The following MLYCD variants were observed in gnomAD, a reference collection of about 807,000 sequenced individuals.
MLYCD encodes the protein malonyl-CoA decarboxylase, also known as malonyl-CoA decarboxylase, mitochondrial.
A neutral mutation model predicts 35.8 loss-of-function variants in MLYCD; 27 were observed. The ratio of observed to expected loss-of-function variants is 0.75; its 90% CI spans 0.56 to 1.04. MLYCD has a LOEUF of 1.04. MLYCD is among the 50% of genes least tolerant of loss of function. MLYCD has a pLI of 0.00. For synonymous variants in MLYCD, 403 were observed against 302.4 expected (o/e 1.33, Z -3.45); for missense variants, 917 against 665.1 (o/e 1.38, Z -4.17).
chr16:83,899,509 T>G lies in MLYCD; in HGVS notation c.365T>G (p.Leu122Arg). ...LRQQQREAAVLLQAEDRLRYA... is the reference protein window; with the variant it reads ...LRQQQREAAVRLQAEDRLRYA... ...CAGCAGCAGCGGGAGGCGGCGGTGCTGCTGCAGGCCGAGGACCGGCTGCGC... is the reference window on the plus strand; with the variant it reads ...CAGCAGCAGCGGGAGGCGGCGGTGCGGCTGCAGGCCGAGGACCGGCTGCGC... Residue 122 changes from leucine to arginine, a missense_variant, in exon 1 of 5, where the codon CTG becomes CGG. By Grantham distance (102) the Leu-to-Arg change is moderately radical (BLOSUM62 -2). Transcript: ENST00000262430. 6.3e-7 allele frequency: 1 copy of G among 1,581,286 alleles called. No individual in the cohort carries two copies.
chr16:83,906,424 C>A (rs1299942982), intron 1 of MLYCD, among the ~76,000 whole-genome samples: 1 of 152,046 alleles, frequency 6.6e-6, no homozygotes, highest in Non-Finnish European at 1.5e-5. Flanking sequence ...AGTCTGTGAC[C>A]CGCCATCATT....
intron 1 of MLYCD, among the ~76,000 whole-genome samples, chr16:83,904,333 G>T (rs1036120812): frequency 6.6e-6 from 1 of 152,140 alleles, no homozygotes; most frequent in African/African-American, 2.4e-5. Context: ...CCAGGAAAAC[G>T]TATGCACAAT....
At chr16:83,905,266 T>C (rs533911117) in intron 1 of MLYCD, among the ~76,000 whole-genome samples, 126 of 152,254 alleles carry the variant, frequency 8.3e-4, no homozygotes, top group African/African-American at 2.8e-3. Context: ...GCCATTCTTA[T>C]AGGTGTTGCC....
rs753871427 is a variant in MLYCD, at chr16:83,915,495, A to T, written c.*6A>T. 6.2e-7 allele frequency: 1 copy of T among 1,609,460 alleles called. No individual in the cohort carries two copies. Among genetic ancestry groups the T allele is most frequent in the Non-Finnish European group, 8.5e-7 (1 of 1,179,936 alleles). On this transcript the variant is annotated 3_prime_UTR_variant, in exon 5 of 5. Transcript: ENST00000262430. ...AAAAGAACAGCAAGCTCTGACAGTA[A>T]ACCTCTCCTAAAGCACAGGGCCCCG...
rs956522895 is a variant in MLYCD at position 83,923,158 on chromosome 16, G to C, written c.*7669G>C. The stretch of plus-strand genomic sequence containing the variant: ...ACCTCCAGGGCAAGAACAACCAAGA[G>C]TTGCTCCCAAGAGGGCTTCCCTCCT... On this transcript the variant is annotated 3_prime_UTR_variant, in exon 5 of 5. Transcript: ENST00000262430. 1 of 152,288 alleles carries C rather than the reference G, an allele frequency of 6.6e-6. No homozygotes were observed. Among genetic ancestry groups the C allele is most frequent in the Non-Finnish European group, 1.5e-5 (1 of 68,082 alleles). The allele number at this position is 152,288 out of a possible 1,614,324, so 9.4% of individuals were successfully genotyped here. A position where few individuals can be genotyped will look rare whatever the true frequency, so the allele number is the denominator to read the frequency against.
At position 83,899,323 on chromosome 16, in the gene MLYCD, C is replaced by T; in HGVS notation, c.179C>T (p.Thr60Ile). The change falls in exon 1 of 5, where the codon ACA (threonine) becomes ATA (isoleucine). Residue 60 changes from threonine to isoleucine, a missense_variant. Thr to Ile is a moderately conservative substitution (Grantham distance 89, BLOSUM62 -1). Transcript: ENST00000262430. ...CCGGCCTACGAGCTGCGCGAGAAGA[C>T]ACCGGCGCCCGCCGAGGGTCAGTGC... ...PTPAYELREK[T>I]PAPAEGQCAD... 1.3e-6 allele frequency: 2 copies of T among 1,501,484 alleles called. No homozygotes were observed. The highest frequency in any genetic ancestry group is 8.8e-7 in the Non-Finnish European group (1 of 1,132,400). 93.0% of individuals were successfully genotyped at this position (1,501,484 alleles called of 1,614,324 possible). A position where few individuals can be genotyped will look rare whatever the true frequency, so the allele number is the denominator to read the frequency against.
At chr16:83,904,909 C>G (rs1906922032) in intron 1 of MLYCD, among the ~76,000 whole-genome samples, 1 of 152,160 alleles carries the variant, frequency 6.6e-6, no homozygotes, top group Admixed American at 6.5e-5. Flanking sequence ...CCTAGATTTC[C>G]TTCCCCGGCC....
chr16:83,910,172 T>G (rs1555538618), intron 3 of MLYCD, among the ~76,000 whole-genome samples: 1 of 151,764 alleles, frequency 6.6e-6, no homozygotes, highest in Non-Finnish European at 1.5e-5. Flanking sequence ...GTCATGGAGA[T>G]TAGATTTTGG....
intron 2 of MLYCD, among the ~76,000 whole-genome samples, chr16:83,907,334 C>T (rs868424126): frequency 6.6e-6 from 1 of 152,166 alleles, no homozygotes; most frequent in African/African-American, 2.4e-5. Flanking sequence ...CAGTGACCTG[C>T]GTGTGAGGTC....
chr16:83,907,039 T>A lies in MLYCD; in HGVS notation c.581T>A (p.Phe194Tyr), dbSNP rs556674494. The A allele has an allele frequency of 1.2e-6, 2 of 1,614,240 alleles. No individual in the cohort carries two copies. The highest frequency in any genetic ancestry group is 2.2e-5 in the South Asian group (2 of 91,086). ...GMLSEWFSSG[F>Y]LNLERVTWHS... ...CTCTCAGAATGGTTTTCCTCCGGGT[T>A]CCTGAACCTAGAACGGGTTACCTGG... Residue 194 changes from phenylalanine to tyrosine, a missense_variant, in exon 2 of 5, where the codon TTC (phenylalanine) becomes TAC (tyrosine). Transcript: ENST00000262430.
rs965700653 is a variant in MLYCD at position 83,917,697 on chromosome 16, C to G, written c.*2208C>G. 6 of 152,284 alleles carry G rather than the reference C, an allele frequency of 3.9e-5. No individual in the cohort carries two copies. Among genetic ancestry groups the G allele is most frequent in the African/African-American group, 1.4e-4 (6 of 41,476 alleles). 9.4% of individuals were successfully genotyped at this position (152,284 alleles called of 1,614,324 possible). A position where few individuals can be genotyped will look rare whatever the true frequency, so the allele number is the denominator to read the frequency against. On this transcript the variant is annotated 3_prime_UTR_variant, in exon 5 of 5. Transcript: ENST00000262430. ...CAGAGTTCTTTACCGTAAGCGTCCCCAGACCCTCAGGCCTGCGGAAACCTG... is the reference window on the plus strand; with the variant it reads ...CAGAGTTCTTTACCGTAAGCGTCCCGAGACCCTCAGGCCTGCGGAAACCTG...
rs1366645434 is a variant in MLYCD at position 83,922,535 on chromosome 16, C to G, written c.*7046C>G. ...CTCCGGCCAGTGCCCAGTTCAAATG[C>G]TGGCCCCACCACTTCCAGCTGGGTG... On this transcript the variant is annotated 3_prime_UTR_variant, in exon 5 of 5. Coordinates refer to ENST00000262430, the MANE Select transcript of MLYCD (RefSeq NM_012213.3). 2 of 152,334 alleles carry G rather than the reference C, an allele frequency of 1.3e-5. No individual in the cohort carries two copies. The highest frequency in any genetic ancestry group is 2.9e-5 in the Non-Finnish European group (2 of 68,108). 9.4% of individuals were successfully genotyped at this position (152,334 alleles called of 1,614,324 possible).
intron 1 of MLYCD, among the ~76,000 whole-genome samples, chr16:83,905,540 G>A (rs12598430): frequency 6.6e-5 from 10 of 152,002 alleles, no homozygotes; most frequent in Admixed American, 5.9e-4. Context: ...TTGCTCTGCC[G>A]AGAAAAACCT....
rs997003558 is a variant in MLYCD at position 83,912,288 on chromosome 16, C to T, written c.869C>T (p.Ser290Phe). ...KNKITAAIFY[S>F]ISLTQQGLQG... is the part of the protein sequence containing the mutation. ...AAAATCACTGCTGCGATCTTTTATT[C>T]CATCAGCTTGACCCAGCAGGGACTC... The change falls in exon 4 of 5, where the codon TCC becomes TTC. Residue 290 changes from serine (S) to phenylalanine (F), a missense_variant. Transcript: ENST00000262430. 3 of 1,614,090 alleles carry T rather than the reference C, an allele frequency of 1.9e-6. No individual in the cohort carries two copies. Among genetic ancestry groups the T allele is most frequent in the Admixed American group, 1.7e-5 (1 of 60,014 alleles).
In MLYCD at chr16:83,921,384, T is replaced by C. The variant is rs557947459; in HGVS notation, c.*5895T>C. On this transcript the variant is annotated 3_prime_UTR_variant, in exon 5 of 5. Coordinates refer to ENST00000262430, the MANE Select transcript of MLYCD (RefSeq NM_012213.3). Reference sequence around the variant, plus strand: ...GAGGATGGATGGATGGATGGATGGATAGATGGATGGAGGAGGGTGGATGGA... The same window carrying C: ...GAGGATGGATGGATGGATGGATGGACAGATGGATGGAGGAGGGTGGATGGA... The C allele has an allele frequency of 7.9e-6, 1 of 125,928 alleles. No homozygotes were observed. Among genetic ancestry groups the C allele is most frequent in the East Asian group, 2.5e-4 (1 of 3,926 alleles). The allele number at this position is 125,928 out of a possible 1,614,324, so 7.8% of individuals were successfully genotyped here.
At chr16:83,901,266 C>T (rs924922290) in intron 1 of MLYCD, among the ~76,000 whole-genome samples, 4 of 152,086 alleles carry the variant, frequency 2.6e-5, no homozygotes, top group Non-Finnish European at 2.9e-5. Flanking sequence ...TTTTCTGATC[C>T]ACACTTGGAC....
intron 1 of MLYCD, among the ~76,000 whole-genome samples, chr16:83,901,066 A>G (rs1393034400): frequency 6.6e-6 from 1 of 152,228 alleles, no homozygotes; most frequent in African/African-American, 2.4e-5. Context: ...AACAGTGGCC[A>G]TGATTTGATT....
intron 1 of MLYCD, among the ~76,000 whole-genome samples, chr16:83,901,510 T>G (rs1379355298): frequency 6.6e-6 from 1 of 152,182 alleles, no homozygotes; most frequent in African/African-American, 2.4e-5. Flanking sequence ...CATGAAGGAC[T>G]TGAAAGGTTT....
rs1184586304 is a variant in MLYCD at position 83,899,125 on chromosome 16, G to T, written c.-20G>T. 1.8e-6 allele frequency: 2 copies of T among 1,108,586 alleles called. No homozygotes were observed. The highest frequency in any genetic ancestry group is 3.9e-4 in the Middle Eastern group (1 of 2,574). The allele number at this position is 1,108,586 out of a possible 1,614,324, so 68.7% of individuals were successfully genotyped here. A position where few individuals can be genotyped will look rare whatever the true frequency, so the allele number is the denominator to read the frequency against. On this transcript the variant is annotated 5_prime_UTR_variant, in exon 1 of 5. Coordinates refer to ENST00000262430, the MANE Select transcript of MLYCD (RefSeq NM_012213.3). The stretch of plus-strand genomic sequence containing the variant: ...GGCAGCGGCGGCGGCGCTCCCCCTC[G>T]GCAGCTGTTGTGGGGCACCATGCGA...
Sources: gnomAD v4.1 joint callset for allele counts (sites outside exome capture counted in the v4.1 genomes callset) on GRCh38, gnomAD v4.1.1 for gene constraint, MANE v1.5 for transcripts, NCBI Gene and HGNC (gene_info 2026-07-23, HGNC 2026-07-21) for gene names.